NCOA2: variants seen among roughly 807,000 people sequenced by gnomAD.
NCOA2 encodes the protein class E basic helix-loop-helix protein 75.
NCOA2 carries 21 observed loss-of-function variants against 145.1 expected under a neutral mutation model. That is an observed-to-expected ratio of 0.14 (90% CI 0.10 to 0.21). The LOEUF (loss-of-function observed/expected upper bound fraction) is 0.21. Among genes scored for constraint, NCOA2 ranks in the 10% least tolerant of loss-of-function variants. The probability of loss-of-function intolerance (pLI) is 1.00; values close to 1 mark genes in which losing one functional copy is unlikely to be tolerated. For missense variants in NCOA2, 1,472 were observed against 1,837.6 expected (o/e 0.80, Z 3.64); for synonymous variants, 619 against 637.5 (o/e 0.97, Z 0.44).
At chr8:70,424,784 A>G in the NCOA2 span, among the ~76,000 whole-genome samples, 1 of 152,230 alleles carries the variant, frequency 6.6e-6, no homozygotes, top group Non-Finnish European at 1.5e-5. Flanking sequence ...TAAGCACGCA[A>G]ATGTGAATTT....
chr8:70,283,823 C>T (rs35395175), intron 2 of NCOA2, among the ~76,000 whole-genome samples: 6 of 152,002 alleles, frequency 3.9e-5, no homozygotes, highest in South Asian at 2.1e-4. Flanking sequence ...AAATCCTGTA[C>T]GTTCCAGTGA....
chr8:70,399,845 C>T (rs1395444673), intron 1 of NCOA2, among the ~76,000 whole-genome samples: 2 of 152,158 alleles, frequency 1.3e-5, no homozygotes, highest in Non-Finnish European at 2.9e-5. Flanking sequence ...CAACTCAATA[C>T]AACACAAACA....
At chr8:70,292,948 C>T (rs1044497511) in intron 2 of NCOA2, among the ~76,000 whole-genome samples, 1 of 152,174 alleles carries the variant, frequency 6.6e-6, no homozygotes, top group Non-Finnish European at 1.5e-5. Context: ...TTCAGTAGTC[C>T]GTTCTGCGTA....
chr8:70,171,488 G>A (rs1030166434), intron 5 of NCOA2, among the ~76,000 whole-genome samples: 3 of 152,030 alleles, frequency 2.0e-5, no homozygotes, highest in Non-Finnish European at 4.4e-5. Context: ...TGGAAATGTT[G>A]GGGGTTTAGT....
rs761556013 is a variant in NCOA2 at position 70,128,860 on chromosome 8, A to T, written c.3445T>A (p.Ser1149Thr). ...SQAQMAQGSY[S>T]PMQDPNFHTM... ...TGAAAGTTTGGATCTTGCATGGGAG[A>T]ATAGCTACCCTGGGCCATTTGTGCC... Residue 1149 changes from serine to threonine, a missense_variant, in exon 17 of 23, where the codon TCT (serine) becomes ACT (threonine). Physicochemically the swap from Ser to Thr is moderately conservative, Grantham distance 58 (BLOSUM62 1). This residue lies in a region of NCOA2 where 953 missense variants were observed against 1,062.1 expected (regional missense o/e 0.90). Transcript: ENST00000452400. 1 of 1,614,038 alleles carries T rather than the reference A, an allele frequency of 6.2e-7. No homozygotes were observed. Among genetic ancestry groups the T allele is most frequent in the Non-Finnish European group, 8.5e-7 (1 of 1,179,900 alleles).
chr8:70,315,774 A>T (rs2136081557), intron 1 of NCOA2, among the ~76,000 whole-genome samples: 1 of 152,302 alleles, frequency 6.6e-6, no homozygotes, highest in South Asian at 2.1e-4. Flanking sequence ...CACTAATAGC[A>T]AACCCACATT....
At position 70,124,879 on chromosome 8, in the gene NCOA2, A is replaced by AG; in HGVS notation, c.3917-15_3917-14insC. On this transcript the variant is annotated splice_polypyrimidine_tract_variant and intron_variant, in intron 19 of 22. Coordinates refer to ENST00000452400, the MANE Select transcript of NCOA2 (RefSeq NM_006540.4). The stretch of plus-strand genomic sequence containing the variant: ...GCTGACTTATTCCTTAAAAAAAAAA[A>AG]CAGAAACAGAAATCCAAAAGAGACT... 1 of 1,558,896 alleles carries AG rather than the reference A, an allele frequency of 6.4e-7. No homozygotes were observed. Among genetic ancestry groups the AG allele is most frequent in the Non-Finnish European group, 8.6e-7 (1 of 1,157,240 alleles).
chr8:70,204,213 G>A (rs1295286365), intron 4 of NCOA2, among the ~76,000 whole-genome samples: 1 of 152,048 alleles, frequency 6.6e-6, no homozygotes, highest in Non-Finnish European at 1.5e-5. Flanking sequence ...TCACCATGTT[G>A]GCCAGGATAG....
At chr8:70,168,331 T>A (rs186617473) in intron 6 of NCOA2, among the ~76,000 whole-genome samples, 1 of 152,370 alleles carries the variant, frequency 6.6e-6, no homozygotes, top group East Asian at 1.9e-4. Context: ...TTTATTATTA[T>A]TACTTTTTTG....
chr8:70,128,509 T>C lies in NCOA2; in HGVS notation c.3605A>G (p.Asn1202Ser), dbSNP rs765945269. The change falls in exon 18 of 23, where the codon AAT (asparagine) becomes AGT (serine). Residue 1202 changes from asparagine (N) to serine (S), a missense_variant and splice_region_variant. Asn to Ser is a conservative substitution (Grantham distance 46). Coordinates refer to ENST00000452400, the MANE Select transcript of NCOA2 (RefSeq NM_006540.4). Reference sequence around the variant, plus strand: ...GATTTGATTCATAAGTGGCTGGCGATTCTAAATACATACAAACAGGATGAA... The same window carrying C: ...GATTTGATTCATAAGTGGCTGGCGACTCTAAATACATACAAACAGGATGAA... The part of the protein sequence containing the change: ...QLQHRLQAQQ[N>S]RQPLMNQISN... 8 of 1,611,908 alleles carry C rather than the reference T, an allele frequency of 5.0e-6. No homozygotes were observed. The highest frequency in any genetic ancestry group is 6.8e-6 in the Non-Finnish European group (8 of 1,178,940).
chr8:70,253,169 A>G (rs73684244), intron 2 of NCOA2, among the ~76,000 whole-genome samples: 3,449 of 152,342 alleles, frequency 0.023, 129 homozygotes, highest in African/African-American at 0.078. Context: ...AAAGAGGGAA[A>G]ATACCATTAG....
intron 11 of NCOA2, among the ~76,000 whole-genome samples, chr8:70,150,443 T>C (rs577055242): frequency 4.6e-5 from 7 of 152,314 alleles, no homozygotes; most frequent in African/African-American, 1.4e-4. Context: ...GGGGCCATAC[T>C]GCATTTAAAA....
chr8:70,337,209 G>GTGTGTGTT (rs1356572973), intron 1 of NCOA2, among the ~76,000 whole-genome samples: 2 of 149,900 alleles, frequency 1.3e-5, no homozygotes, highest in African/African-American at 5.0e-5. Context: ...GAGTGTGTGT[G>GTGTGTGTT]TGTGTGTGTG....
intron 2 of NCOA2, among the ~76,000 whole-genome samples, chr8:70,234,233 T>C (rs530986184): frequency 1.3e-5 from 2 of 152,366 alleles, no homozygotes; most frequent in East Asian, 3.9e-4. Context: ...TGTATAGCTA[T>C]ACCAAATTTT....
At chr8:70,118,407 G>C (rs1237953373) in intron 22 of NCOA2, among the ~76,000 whole-genome samples, 1 of 152,100 alleles carries the variant, frequency 6.6e-6, no homozygotes, top group Admixed American at 6.6e-5. Context: ...GTGGAGGAGA[G>C]AACAGGATTG....
chr8:70,344,307 G>A (rs1808404924), intron 1 of NCOA2, among the ~76,000 whole-genome samples: 1 of 152,206 alleles, frequency 6.6e-6, no homozygotes. Context: ...TTGAGGGTAG[G>A]TACTAAGCTT....
At chr8:70,262,129 A>T (rs1824185502) in intron 2 of NCOA2, among the ~76,000 whole-genome samples, 1 of 152,180 alleles carries the variant, frequency 6.6e-6, no homozygotes, top group Non-Finnish European at 1.5e-5. Context: ...TAATTTTGAG[A>T]CCAGCGAATA....
chr8:70,244,764 CT>C (rs141224198), intron 2 of NCOA2, among the ~76,000 whole-genome samples: 8,316 of 152,132 alleles, frequency 0.055, 302 homozygotes, highest in East Asian at 0.16. Flanking sequence ...AAGCGTGACA[CT>C]GTATTTGGCT....
At chr8:70,213,845 A>T in intron 4 of NCOA2, 58 bp downstream of exon 4, 1 of 1,420,274 alleles carries the variant, frequency 7.0e-7, no homozygotes, top group South Asian at 1.4e-5. Flanking sequence ...GGGACTTCTC[A>T]CACAGGGAAA....
Sources: gnomAD v4.1 joint callset for allele counts (sites outside exome capture counted in the v4.1 genomes callset) on GRCh38, gnomAD v4.1.1 for gene constraint, gnomAD v4.1.1 regional missense constraint, MANE v1.5 for transcripts, NCBI Gene and HGNC (gene_info 2026-07-23, HGNC 2026-07-21) for gene names.